The following LRRC74B variants were observed in gnomAD, a reference collection of about 807,000 sequenced individuals.
LRRC74B encodes the protein leucine-rich repeat-containing protein 74B.
LRRC74B carries 30 observed loss-of-function variants against 16.6 expected under a neutral mutation model. That is an observed-to-expected ratio of 1.80 (90% confidence interval 1.35 to 2.45). The LOEUF (loss-of-function observed/expected upper bound fraction) is 2.45, where lower values mean the gene tolerates loss of function less well. LRRC74B is among the 30% of genes most tolerant of loss of function. LRRC74B has a pLI of 0.00. For synonymous variants in LRRC74B, 134 were observed against 86.0 expected (o/e 1.56, Z -3.09); for missense variants, 326 against 202.4 (o/e 1.61, Z -3.71).
At chr22:21,045,961 T>G (rs1417628182), upstream of LRRC74B, 3 of 716,864 alleles carry the variant, frequency 4.2e-6, no homozygotes, top group South Asian at 4.4e-5. Context: ...CGACTCAGTG[T>G]CTGAGACTGC....
intron 5 of LRRC74B, 132 bp from the exon 6 acceptor site, chr22:21,053,228 C>T (rs1930208539): frequency 1.7e-6 from 1 of 603,310 alleles, no homozygotes. Flanking sequence ...CTGACCCTTC[C>T]TTGGAGCCTC....
chr22:21,050,374 C>T (rs774921830), intron 4 of LRRC74B, among the ~76,000 whole-genome samples: 1 of 151,898 alleles, frequency 6.6e-6, no homozygotes, highest in Non-Finnish European at 1.5e-5. Context: ...TCTCCAGCTG[C>T]TTAGAGCAAG....
chr22:21,061,794 A>G (rs1351704372), downstream of LRRC74B: 1 of 152,136 alleles, frequency 6.6e-6, no homozygotes, highest in Non-Finnish European at 1.5e-5. Context: ...TAGCAACATT[A>G]TTTATAATAT....
chr22:21,047,466 C>A, exon 2 of LRRC74B: 1 of 717,522 alleles, frequency 1.4e-6, no homozygotes, highest in South Asian at 1.5e-5. Context: ...CGCCCAAGAG[C>A]TGAACCTCCG....
chr22:21,049,746 G>T (rs1395415458), intron 4 of LRRC74B, among the ~76,000 whole-genome samples: 1 of 152,128 alleles, frequency 6.6e-6, no homozygotes, highest in Non-Finnish European at 1.5e-5. Context: ...GGGGGCTGCA[G>T]GGCTGTAGGC....
At chr22:21,054,334 T>G (rs1930310277) in intron 6 of LRRC74B, among the ~76,000 whole-genome samples, 1 of 152,206 alleles carries the variant, frequency 6.6e-6, no homozygotes, top group Non-Finnish European at 1.5e-5. Context: ...CCCTGACAAG[T>G]GGGCCCCAGT....
At chr22:21,050,112 C>T (rs1259217600) in intron 4 of LRRC74B, among the ~76,000 whole-genome samples, 3 of 152,154 alleles carry the variant, frequency 2.0e-5, no homozygotes, top group African/African-American at 4.8e-5. Flanking sequence ...TCTCTGCTCA[C>T]TGCAGCCTCT....
At chr22:21,059,062 G>A (rs1316207053) in intron 8 of LRRC74B, among the ~76,000 whole-genome samples, 4 of 152,186 alleles carry the variant, frequency 2.6e-5, no homozygotes, top group Non-Finnish European at 5.9e-5. Context: ...AGACCACCCT[G>A]GCCAACATGG....
chr22:21,048,739 A>C, intron 3 of LRRC74B: 1 of 492,090 alleles, frequency 2.0e-6, no homozygotes, highest in Non-Finnish European at 3.7e-6. Flanking sequence ...GGTTTTAACC[A>C]CTTGACACAG....
chr22:21,054,155 A>G (rs1173653813), intron 6 of LRRC74B, among the ~76,000 whole-genome samples: 5 of 152,216 alleles, frequency 3.3e-5, no homozygotes, highest in Non-Finnish European at 7.3e-5. Flanking sequence ...GCATGACTCC[A>G]TCTCTATGCG....
Position 21,046,106 on chromosome 22 carries a change from C to T in LRRC74B, c.120C>T (p.Asp40=), listed in dbSNP as rs1192454622. ...AGCAGGGTCCCGAGGCCAATTGGGA[C>T]TCCGACCTGGAGACGGAAGGTGCTC... Residue 40 remains aspartate (D), a synonymous_variant, in exon 1 of 9, where the codon GAC becomes GAT. Coordinates refer to ENST00000442047, the Ensembl canonical transcript of LRRC74B. 4 of 717,216 alleles carry T rather than the reference C, an allele frequency of 5.6e-6. No homozygotes were observed. The South Asian group carries it at 5.9e-5, about 11-fold the overall frequency. The allele number at this position is 717,216 out of a possible 1,614,324, so 44.4% of individuals were successfully genotyped here.
intron 1 of LRRC74B, among the ~76,000 whole-genome samples, chr22:21,046,574 C>T (rs1208603642): frequency 2.0e-5 from 3 of 152,040 alleles, no homozygotes; most frequent in African/African-American, 7.2e-5. Flanking sequence ...GCCATGACTT[C>T]TACTACAAAC....
exon 7 of LRRC74B, chr22:21,055,120 G>A (rs1171786492): frequency 1.4e-6 from 1 of 717,216 alleles, no homozygotes; most frequent in African/African-American, 1.7e-5. Context: ...CTCTGCGATG[G>A]GAGCCCTGAG....
downstream of LRRC74B, chr22:21,062,436 C>G (rs1930850600): frequency 6.6e-6 from 1 of 152,104 alleles, no homozygotes; most frequent in Non-Finnish European, 1.5e-5. Flanking sequence ...TAAATATGGC[C>G]AGGCGCGGTG....
At chr22:21,046,184 G>C (rs1929411712) in intron 1 of LRRC74B, 59 bp downstream of exon 1, 1 of 707,726 alleles carries the variant, frequency 1.4e-6, no homozygotes, top group African/African-American at 1.8e-5. Flanking sequence ...TCCCGCAGGG[G>C]TTGGGGGAGG....
downstream of LRRC74B, chr22:21,063,247 A>G (rs1049678691): frequency 1.3e-5 from 2 of 152,134 alleles, no homozygotes; most frequent in Non-Finnish European, 1.5e-5. Context: ...TTGAGTCCCA[A>G]CTCGGCACTT....
intron 8 of LRRC74B, among the ~76,000 whole-genome samples, chr22:21,058,029 A>T (rs1223142246): frequency 6.7e-6 from 1 of 149,136 alleles, no homozygotes; most frequent in Non-Finnish European, 1.5e-5. Context: ...AGGATTACAG[A>T]TGTGTGCCAC....
chr22:21,060,123 T>C (rs1324777534), intron 8 of LRRC74B, among the ~76,000 whole-genome samples: 2 of 152,116 alleles, frequency 1.3e-5, no homozygotes, highest in Non-Finnish European at 2.9e-5. Context: ...TGAGCTATGA[T>C]TGAGCCACTG....
chr22:21,050,609 T>C (rs1929937412), intron 4 of LRRC74B, among the ~76,000 whole-genome samples: 1 of 151,304 alleles, frequency 6.6e-6, no homozygotes, highest in African/African-American at 2.4e-5. Context: ...AAATGCCGTC[T>C]CTACTAAAAA....
Sources: gnomAD v4.1 joint callset for allele counts (sites outside exome capture counted in the v4.1 genomes callset) on GRCh38, gnomAD v4.1.1 for gene constraint, MANE v1.5 for transcripts, NCBI Gene and HGNC (gene_info 2026-07-23, HGNC 2026-07-21) for gene names.